Variants in NRXN3 observed in about 807,000 individuals in gnomAD.
NRXN3 encodes the protein neurexin III.
NRXN3 carries 32 observed loss-of-function variants against 137.6 expected under a neutral mutation model. That is an observed-to-expected ratio of 0.23 (90% confidence interval 0.18 to 0.31). The LOEUF is 0.31. Ranked by LOEUF, NRXN3 falls within the 10% of genes least tolerant of loss-of-function variation. NRXN3 has a pLI of 1.00. For missense variants in NRXN3, 1,574 were observed against 2,062.5 expected, an observed-to-expected ratio of 0.76 and a Z score of 4.59; for synonymous variants, 798 against 784.5, an observed-to-expected ratio of 1.02 and a Z score of -0.29.
At chr14:78,477,112 T>C (rs1315198696) in intron 4 of NRXN3, among the ~76,000 whole-genome samples, 2 of 152,352 alleles carry the variant, frequency 1.3e-5, no homozygotes, top group Non-Finnish European at 2.9e-5. Flanking sequence ...CCAAATTCTC[T>C]TCTATGTCTC....
intron 20 of NRXN3, among the ~76,000 whole-genome samples, chr14:79,818,247 G>T (rs992565568): frequency 3.9e-5 from 6 of 151,988 alleles, no homozygotes; most frequent in Non-Finnish European, 7.4e-5. Flanking sequence ...TAGAGACGGG[G>T]TTTCACCGTG....
chr14:79,077,308 C>T (rs1434217454), intron 15 of NRXN3, among the ~76,000 whole-genome samples: 5 of 152,164 alleles, frequency 3.3e-5, no homozygotes, highest in Non-Finnish European at 5.9e-5. Context: ...ATAGAGCACA[C>T]GGTGTGTTTA....
chr14:78,281,794 T>C (rs2074446510), intron 3 of NRXN3, among the ~76,000 whole-genome samples: 1 of 152,122 alleles, frequency 6.6e-6, no homozygotes, highest in Non-Finnish European at 1.5e-5. Flanking sequence ...CTTGCCCAGG[T>C]CACCTCCTGC....
At chr14:79,671,658 TTTTTG>T in intron 17 of NRXN3, among the ~76,000 whole-genome samples, 1 of 152,164 alleles carries the variant, frequency 6.6e-6, no homozygotes, top group Non-Finnish European at 1.5e-5. Flanking sequence ...TTTAATTTAA[TTTTTG>T]TTTTATCAAG....
intron 4 of NRXN3, among the ~76,000 whole-genome samples, chr14:78,432,875 G>A (rs949285916): frequency 3.3e-5 from 5 of 152,182 alleles, no homozygotes; most frequent in Non-Finnish European, 5.9e-5. Context: ...CAGACTTCAC[G>A]TGATCCTGTA....
At chr14:79,372,388 T>A (rs571860768) in intron 15 of NRXN3, among the ~76,000 whole-genome samples, 1 of 152,272 alleles carries the variant, frequency 6.6e-6, no homozygotes, top group African/African-American at 2.4e-5. Flanking sequence ...CTTTCCTCCC[T>A]GATACAATAA....
chr14:79,839,620 T>A (rs559129367), intron 20 of NRXN3, among the ~76,000 whole-genome samples: 11 of 152,216 alleles, frequency 7.2e-5, no homozygotes, highest in Non-Finnish European at 1.3e-4. Context: ...GATTGTTTCC[T>A]TTAGTGTGCA....
At chr14:79,303,055 T>C (rs888503197) in intron 15 of NRXN3, among the ~76,000 whole-genome samples, 1 of 151,714 alleles carries the variant, frequency 6.6e-6, no homozygotes, top group African/African-American at 2.4e-5. Context: ...CTCAGGGAGG[T>C]TAAGTAACTT....
At chr14:78,578,457 A>G (rs1224158014) in intron 4 of NRXN3, among the ~76,000 whole-genome samples, 2 of 152,218 alleles carry the variant, frequency 1.3e-5, no homozygotes, top group Non-Finnish European at 2.9e-5. Flanking sequence ...ACATCTGTCT[A>G]TAGGAAGTAT....
chr14:79,110,940 G>A (rs2053398586), intron 15 of NRXN3, among the ~76,000 whole-genome samples: 2 of 151,838 alleles, frequency 1.3e-5, no homozygotes, highest in African/African-American at 4.8e-5. Flanking sequence ...ACAGGCACCC[G>A]CCACCACACC....
At chr14:79,804,075 C>T (rs998355580) in intron 19 of NRXN3, among the ~76,000 whole-genome samples, 1 of 151,506 alleles carries the variant, frequency 6.6e-6, no homozygotes, top group African/African-American at 2.4e-5. Context: ...TTTATTACCT[C>T]TTCCTCTTGA....
At chr14:79,675,168 C>T (rs1451001167) in intron 17 of NRXN3, among the ~76,000 whole-genome samples, 1 of 152,004 alleles carries the variant, frequency 6.6e-6, no homozygotes, top group Non-Finnish European at 1.5e-5. Context: ...ACCCTGATAT[C>T]TTTATTTAGA....
chr14:79,519,361 C>G (rs1327505731), intron 16 of NRXN3, among the ~76,000 whole-genome samples: 1 of 151,926 alleles, frequency 6.6e-6, no homozygotes, highest in African/African-American at 2.4e-5. Flanking sequence ...GTAACAGAAA[C>G]TTTAAATATA....
intron 15 of NRXN3, among the ~76,000 whole-genome samples, chr14:79,382,359 G>T (rs2094494979): frequency 6.6e-6 from 1 of 152,160 alleles, no homozygotes; most frequent in Admixed American, 6.5e-5. Flanking sequence ...CTACCAAGAG[G>T]CAGGAGCTAG....
chr14:79,031,053 G>A (rs1368049680), intron 15 of NRXN3, among the ~76,000 whole-genome samples: 1 of 151,854 alleles, frequency 6.6e-6, no homozygotes, highest in African/African-American at 2.4e-5. Context: ...CCTTTCTTTT[G>A]AAAATGGCCC....
rs148008066 is a variant in NRXN3 at position 79,253,852 on chromosome 14, T to G, written c.3263-213369T>G. 3.8e-3 allele frequency among the ~76,000 whole-genome samples: 585 copies of G among 152,250 alleles called. 3 individuals are homozygous for G. Among genetic ancestry groups the G allele is most frequent in the Middle Eastern group, 0.017 (5 of 294 alleles). On this transcript the variant is annotated intron_variant, in intron 15 of 20. Coordinates refer to ENST00000335750, the MANE Select transcript of NRXN3 (RefSeq NM_001330195.2). Reference sequence around the variant, plus strand: ...GTGGAAATTACAATTTGAGATGAGATTTGGGTGGGAACACAGAGCCAAACG... The same window carrying G: ...GTGGAAATTACAATTTGAGATGAGAGTTGGGTGGGAACACAGAGCCAAACG...
At chr14:78,705,765 A>G (rs1422783596) in intron 6 of NRXN3, among the ~76,000 whole-genome samples, 1 of 152,210 alleles carries the variant, frequency 6.6e-6, no homozygotes, top group Non-Finnish European at 1.5e-5. Flanking sequence ...GCTGTCAGTG[A>G]GAGTGGTGTT....
intron 4 of NRXN3, among the ~76,000 whole-genome samples, chr14:78,512,050 C>T (rs1056673899): frequency 5.3e-5 from 8 of 152,004 alleles, no homozygotes; most frequent in Non-Finnish European, 1.2e-4. Flanking sequence ...TATTAATATC[C>T]CAAATTTTTT....
intron 4 of NRXN3, among the ~76,000 whole-genome samples, chr14:78,465,907 A>G (rs1327620406): frequency 6.6e-6 from 1 of 151,480 alleles, no homozygotes; most frequent in East Asian, 1.9e-4. Context: ...ACTGGAGTGC[A>G]GTGACGCGAT....
Sources: allele counts gnomAD v4.1 joint callset (sites outside exome capture counted in the v4.1 genomes callset), GRCh38; gene constraint gnomAD v4.1.1; transcripts MANE v1.5; gene names NCBI Gene and HGNC (gene_info 2026-07-23, HGNC 2026-07-21).